The following TAF3 variants were observed in gnomAD, a reference collection of about 807,000 sequenced individuals.
The protein encoded by TAF3 is TATA-box binding protein associated factor 3, also known as transcription initiation factor TFIID subunit 3.
In TAF3, 7 loss-of-function variants were observed where a neutral mutation model predicts 80.6. The ratio of observed to expected loss-of-function variants is 0.09; its 90% confidence interval spans 0.05 to 0.16. TAF3 has a LOEUF of 0.16. Ranked by LOEUF, TAF3 falls within the 10% of genes least tolerant of loss-of-function variation. The pLI, the probability that TAF3 is intolerant of heterozygous loss-of-function variation, is 1.00. For synonymous variants in TAF3, 444 were observed against 446.1 expected (o/e 1.00, Z 0.06); for missense variants, 921 against 1,140.2 (o/e 0.81, Z 2.77).
At chr10:7,881,557 C>T (rs958470468) in intron 2 of TAF3, among the ~76,000 whole-genome samples, 3 of 151,274 alleles carry the variant, frequency 2.0e-5, no homozygotes, top group African/African-American at 4.9e-5. Context: ...GAAGCTGGAA[C>T]GTAATAAGTT....
chr10:7,829,608 A>G (rs938134546), intron 2 of TAF3, among the ~76,000 whole-genome samples: 1 of 152,212 alleles, frequency 6.6e-6, no homozygotes, highest in Non-Finnish European at 1.5e-5. Context: ...GAAAGACCAC[A>G]GAGGTCAAGG....
At chr10:7,827,110 A>G (rs1836749699) in intron 2 of TAF3, among the ~76,000 whole-genome samples, 1 of 152,192 alleles carries the variant, frequency 6.6e-6, no homozygotes, top group Non-Finnish European at 1.5e-5. Context: ...CCTCCACAGC[A>G]GCTGGAGCTG....
chr10:7,850,400 G>A (rs1837015415), intron 2 of TAF3, among the ~76,000 whole-genome samples: 1 of 152,140 alleles, frequency 6.6e-6, no homozygotes, highest in South Asian at 2.1e-4. Flanking sequence ...TTAAGGCTGG[G>A]AGCAGTGGCT....
intron 2 of TAF3, among the ~76,000 whole-genome samples, chr10:7,917,917 C>T (rs745461039): frequency 3.9e-5 from 6 of 152,082 alleles, no homozygotes; most frequent in Non-Finnish European, 7.4e-5. Flanking sequence ...CTGGAGAAGA[C>T]CGAGGAGAGG....
In TAF3 at chr10:8,009,323, C is replaced by T; in HGVS notation, c.2561C>T (p.Thr854Ile). ...AGCGTGGTGACTGAGACGGTCAGCA[C>T]CTACGTGGTGCGTACCTGCCGCCCG... ...VRSVVTETVS[T>I]YVIRDEWGNQ... Residue 854 changes from threonine (T) to isoleucine (I), a missense_variant, in exon 5 of 7, where the codon ACC (threonine) becomes ATC (isoleucine). Transcript: ENST00000344293. This position sits in a 1 kb window ranked among gnomAD's most constrained non-coding sequence, Gnocchi z 4.1. 2 of 1,593,082 alleles carry T rather than the reference C, an allele frequency of 1.3e-6. No homozygotes were observed. The highest frequency in any genetic ancestry group is 8.5e-7 in the Non-Finnish European group (1 of 1,170,768).
At chr10:7,975,822 A>ACTGTATT (rs1831666989) in intron 3 of TAF3, among the ~76,000 whole-genome samples, 1 of 152,246 alleles carries the variant, frequency 6.6e-6, no homozygotes. Context: ...GTTCCCCTTT[A>ACTGTATT]GAACCACTAT....
chr10:7,999,487 C>A (rs1299187423), intron 4 of TAF3, among the ~76,000 whole-genome samples: 1 of 145,336 alleles, frequency 6.9e-6, no homozygotes, highest in Non-Finnish European at 1.5e-5. Flanking sequence ...GATGGAGTCT[C>A]GCTTTGTTTC....
At chr10:8,012,367 A>T (rs1397729881) in intron 5 of TAF3, among the ~76,000 whole-genome samples, 1 of 152,192 alleles carries the variant, frequency 6.6e-6, no homozygotes, top group Non-Finnish European at 1.5e-5. Context: ...TTCCCCATTC[A>T]TAAGCTACCC....
intron 3 of TAF3, among the ~76,000 whole-genome samples, chr10:7,968,654 A>G (rs143163822): frequency 6.6e-6 from 1 of 152,314 alleles, no homozygotes; most frequent in East Asian, 1.9e-4. Context: ...AGATGCTGTA[A>G]TTATTATCAC....
At chr10:7,853,342 C>T (rs1444643955) in intron 2 of TAF3, among the ~76,000 whole-genome samples, 3 of 152,154 alleles carry the variant, frequency 2.0e-5, no homozygotes, top group Non-Finnish European at 4.4e-5. Context: ...ATTACATTGG[C>T]GGCTTGAAAT....
chr10:7,829,930 G>T (rs1836781696), intron 2 of TAF3, among the ~76,000 whole-genome samples: 1 of 152,122 alleles, frequency 6.6e-6, no homozygotes, highest in Non-Finnish European at 1.5e-5. Context: ...CCCTTTAAAA[G>T]TAAACATTTA....
intron 2 of TAF3, among the ~76,000 whole-genome samples, chr10:7,924,350 G>A (rs962832395): frequency 1.6e-4 from 25 of 152,172 alleles, no homozygotes; most frequent in African/African-American, 5.1e-4. Flanking sequence ...TTAGAAGGTC[G>A]TCTGAGTAGT....
intron 2 of TAF3, among the ~76,000 whole-genome samples, chr10:7,842,665 G>A (rs188072346): frequency 1.3e-5 from 2 of 152,216 alleles, no homozygotes; most frequent in East Asian, 1.9e-4. Flanking sequence ...TCATTGAAGC[G>A]TGACAGTTCA....
In TAF3 at chr10:7,824,326, A is replaced by G. The variant is rs1836720528; in HGVS notation, c.175A>G (p.Thr59Ala). The G allele has an allele frequency of 6.2e-7, 1 of 1,613,010 alleles. No homozygotes were observed. The highest frequency in any genetic ancestry group is 1.3e-5 in the African/African-American group (1 of 74,908). The change falls in exon 2 of 7, where the codon ACA becomes GCA. Residue 59 changes from threonine to alanine, a missense_variant. Thr to Ala is a moderately conservative substitution (Grantham distance 58). Transcript: ENST00000344293. ...CHRYSELYGR[T>A]DPILDDVGEA... ...TTTTCACTTTGTTTCAGATGGCCGA[A>G]CAGACCCAATTTTGGATGATGTTGG...
In TAF3 at chr10:7,998,608, G is replaced by A. The variant is rs1831913118; in HGVS notation, c.2316-10470G>A. Among the ~76,000 whole-genome samples, 3 of 151,986 alleles carry A rather than the reference G, an allele frequency of 2.0e-5. No homozygotes were observed. The South Asian group carries it at 6.2e-4, about 32-fold the overall frequency. The stretch of plus-strand genomic sequence containing the variant: ...CACACCTGTAATCCCAGCACTTTGG[G>A]AGGCCAAATCACCTGAAGTCAGGAG... On this transcript the variant is annotated intron_variant, in intron 4 of 6. Transcript: ENST00000344293.
chr10:7,867,790 A>T, intron 2 of TAF3, among the ~76,000 whole-genome samples: 1 of 152,238 alleles, frequency 6.6e-6, no homozygotes, highest in South Asian at 2.1e-4. Context: ...GGGGGCACAG[A>T]CCCCTGTGCA....
At chr10:7,977,785 G>A (rs1184433363) in intron 4 of TAF3, among the ~76,000 whole-genome samples, 1 of 152,180 alleles carries the variant, frequency 6.6e-6, no homozygotes, top group African/African-American at 2.4e-5. Flanking sequence ...AAATGCCAAA[G>A]GCTTGGAGAG....
At chr10:7,848,419 G>A (rs868662596) in intron 2 of TAF3, among the ~76,000 whole-genome samples, 1 of 152,134 alleles carries the variant, frequency 6.6e-6, no homozygotes, top group Admixed American at 6.5e-5. Context: ...CATGTACAGT[G>A]TGTTCAGATT....
At chr10:7,862,682 T>A (rs1305031172) in intron 2 of TAF3, among the ~76,000 whole-genome samples, 1 of 152,206 alleles carries the variant, frequency 6.6e-6, no homozygotes, top group Non-Finnish European at 1.5e-5. Context: ...TCCTCTTCCC[T>A]CCTCCCCAGG....
Sources: allele counts gnomAD v4.1 joint callset (sites outside exome capture counted in the v4.1 genomes callset), GRCh38; gene constraint gnomAD v4.1.1; non-coding constraint Gnocchi (gnomAD v3.1); transcripts MANE v1.5; gene names NCBI Gene and HGNC (gene_info 2026-07-23, HGNC 2026-07-21).